MED17: variants seen among roughly 807,000 people sequenced by gnomAD.
MED17 encodes the protein mediator complex subunit 17.
MED17 carries 49 observed loss-of-function variants against 80.8 expected under a neutral mutation model. The ratio of observed to expected loss-of-function variants is 0.61; its 90% confidence interval spans 0.48 to 0.77. The LOEUF (loss-of-function observed/expected upper bound fraction) is 0.77. Among genes scored for constraint, MED17 ranks in the 30% least tolerant of loss-of-function variants. The probability of loss-of-function intolerance (pLI) is 0.00; values close to 1 mark genes in which losing one functional copy is unlikely to be tolerated. For synonymous variants in MED17, 281 were observed against 280.4 expected (o/e 1.00, Z -0.02); for missense variants, 718 against 787.0 (o/e 0.91, Z 1.05).
In MED17 at chr11:93,814,406, G is replaced by T. The variant is rs113537782; in HGVS notation, c.*2342G>T. 3.4e-4 allele frequency: 52 copies of T among 152,258 alleles called. No homozygotes were observed. The highest frequency in any genetic ancestry group is 1.2e-3 in the African/African-American group (49 of 41,550). 9.4% of individuals were successfully genotyped at this position (152,258 alleles called of 1,614,324 possible). On this transcript the variant is annotated 3_prime_UTR_variant, in exon 12 of 12. Transcript: ENST00000251871. ...TTTGAAGGATGTGCTATGGAAACTT[G>T]GGAGACAGTTTGAAGAAAACCAATT... is the stretch of plus-strand genomic sequence containing the variant.
chr11:93,809,343 G>T lies in MED17; in HGVS notation c.1585-374G>T, dbSNP rs75802445. On this transcript the variant is annotated intron_variant, in intron 10 of 11. Coordinates refer to ENST00000251871, the MANE Select transcript of MED17 (RefSeq NM_004268.5). ...GCCCAAAGCCAGAGGATGTAAGAAG[G>T]TATTAATGTAACCACGTGTGTCAGC... 596 of 351,482 alleles carry T rather than the reference G, an allele frequency of 1.7e-3. 4 individuals are homozygous for T. Among genetic ancestry groups the T allele is most frequent in the African/African-American group, 0.012 (563 of 46,952 alleles). The allele number at this position is 351,482 out of a possible 1,614,324, so 21.8% of individuals were successfully genotyped here.
chr11:93,802,081 T>A, intron 9 of MED17, 109 bp downstream of exon 9: 1 of 1,018,278 alleles, frequency 9.8e-7, no homozygotes, highest in Non-Finnish European at 1.5e-6. Flanking sequence ...TGGCATAATA[T>A]TTCTGTAAAT....
chr11:93,786,459 T>C (rs1943771121), intron 1 of MED17, among the ~76,000 whole-genome samples: 1 of 150,810 alleles, frequency 6.6e-6, no homozygotes, highest in African/African-American at 2.4e-5. Flanking sequence ...TTTTAACTTT[T>C]TTTGGTTTGT....
intron 8 of MED17, among the ~76,000 whole-genome samples, chr11:93,799,647 G>A (rs545685280): frequency 1.3e-5 from 2 of 152,342 alleles, no homozygotes; most frequent in African/African-American, 4.8e-5. Context: ...GTGGTGGTGT[G>A]CACCTGTAGT....
At chr11:93,803,974 T>G (rs1943990250) in intron 9 of MED17, among the ~76,000 whole-genome samples, 1 of 96,650 alleles carries the variant, frequency 1.0e-5, no homozygotes, top group African/African-American at 5.2e-5. Context: ...TGTGTATATG[T>G]GTGTGTGTGT....
chr11:93,795,238 C>T, intron 6 of MED17, 178 bp downstream of exon 6: 2 of 739,072 alleles, frequency 2.7e-6, no homozygotes, highest in South Asian at 1.6e-5. Flanking sequence ...TCTGTTCTGT[C>T]CTAAATAGTG....
At chr11:93,788,680 C>CAA (rs11405005) in intron 2 of MED17, 1,764 of 122,994 alleles carry the variant, frequency 0.014, 20 homozygotes, top group African/African-American at 0.017. Flanking sequence ...GATTCCATCC[C>CAA]AAAAAAAAAA....
At chr11:93,798,073 A>C (rs1255492263) in intron 8 of MED17, among the ~76,000 whole-genome samples, 2 of 152,114 alleles carry the variant, frequency 1.3e-5, no homozygotes, top group Non-Finnish European at 2.9e-5. Context: ...TGTTTCTTGC[A>C]CATTTTAGAG....
chr11:93,807,659 A>T (rs2135721584), intron 10 of MED17, 24 bp downstream of exon 10: 1 of 1,341,688 alleles, frequency 7.5e-7, no homozygotes, highest in Non-Finnish European at 1.1e-6. Context: ...ATTTTGTCTT[A>T]AGCCCCCTTC....
intron 2 of MED17, 55 bp downstream of exon 2, chr11:93,788,222 C>CT: frequency 1.3e-6 from 2 of 1,484,204 alleles, no homozygotes; most frequent in Non-Finnish European, 9.2e-7. Context: ...TCCCAGGACC[C>CT]TTTTTTGGCT....
In MED17 at chr11:93,793,843, A is replaced by C. The variant is rs779787836; in HGVS notation, c.753A>C (p.Leu251Phe). ...TTGATGTCCAAATTCCTAGTGATTT[A>C]GAGGGGTCTGCATATATCAAGGTAT... ...CPLDVQIPSDLEGSAYIKVSI... is the reference protein window; with the variant it reads ...CPLDVQIPSDFEGSAYIKVSI... The change falls in exon 4 of 12, where the codon TTA becomes TTC. Residue 251 changes from leucine to phenylalanine, a missense_variant. Coordinates refer to ENST00000251871, the MANE Select transcript of MED17 (RefSeq NM_004268.5). The C allele has an allele frequency of 1.2e-6, 2 of 1,613,302 alleles. No individual in the cohort carries two copies. The highest frequency in any genetic ancestry group is 1.7e-6 in the Non-Finnish European group (2 of 1,179,306).
rs750985745 is a variant in MED17 at position 93,809,740 on chromosome 11, A to G, written c.1608A>G (p.Ala536=). Residue 536 remains alanine, a synonymous_variant, in exon 11 of 12, where the codon GCA becomes GCG. Transcript: ENST00000251871. The part of the protein sequence containing the change: ...LSQMSQHQVH[A]VQQLAKVMGW... Reference sequence around the variant, plus strand: ...AGATGTCACAGCACCAGGTACATGCAGTTCAGCAACTCGCCAAGGTTATGG... The same window carrying G: ...AGATGTCACAGCACCAGGTACATGCGGTTCAGCAACTCGCCAAGGTTATGG... 1 of 1,614,214 alleles carries G rather than the reference A, an allele frequency of 6.2e-7. No individual in the cohort carries two copies. The highest frequency in any genetic ancestry group is 1.1e-5 in the South Asian group (1 of 91,084).
At chr11:93,786,555 C>T (rs191523811) in intron 1 of MED17, among the ~76,000 whole-genome samples, 1 of 152,072 alleles carries the variant, frequency 6.6e-6, no homozygotes, top group African/African-American at 2.4e-5. Flanking sequence ...CAACCCCTGC[C>T]TCCTGGATTC....
Position 93,813,435 on chromosome 11 carries a change from C to T in MED17, c.*1371C>T, listed in dbSNP as rs531509897. On this transcript the variant is annotated 3_prime_UTR_variant, in exon 12 of 12. Transcript: ENST00000251871. ...TATGAATTTGCAGTTATTTAAAAAT[C>T]TTGAGTGCTTCAAAAATTATTGTTG... 5 of 152,272 alleles carry T rather than the reference C, an allele frequency of 3.3e-5. No homozygotes were observed. The East Asian group carries it at 9.7e-4, about 29-fold the overall frequency. The allele number at this position is 152,272 out of a possible 1,614,324, so 9.4% of individuals were successfully genotyped here. A position where few individuals can be genotyped will look rare whatever the true frequency, so the allele number is the denominator to read the frequency against.
Position 93,811,371 on chromosome 11 carries a change from G to GA in MED17, c.1745-475dup, listed in dbSNP as rs567025318. 1.0e-4 allele frequency: 16 copies of GA among 158,386 alleles called. No individual in the cohort carries two copies. The South Asian group carries it at 2.9e-3, about 29-fold the overall frequency. The allele number at this position is 158,386 out of a possible 1,614,324, so 9.8% of individuals were successfully genotyped here. On this transcript the variant is annotated intron_variant, in intron 11 of 11. Coordinates refer to ENST00000251871, the MANE Select transcript of MED17 (RefSeq NM_004268.5). ...GATTGCCTTATCAAATGAATGTATT[G>GA]AAAAAAATAGGTGAGTGTACTAGGC... is the stretch of plus-strand genomic sequence containing the variant.
chr11:93,795,085 T>C (rs2135713913), intron 6 of MED17, 25 bp downstream of exon 6: 3 of 1,613,754 alleles, frequency 1.9e-6, no homozygotes, highest in African/African-American at 1.3e-5. Context: ...TTTTCGACTT[T>C]ATGAACAGGA....
rs918985856 is a variant in MED17 at position 93,812,672 on chromosome 11, G to A, written c.*608G>A. 1.9e-5 allele frequency: 3 copies of A among 154,804 alleles called. No homozygotes were observed. The highest frequency in any genetic ancestry group is 7.2e-5 in the African/African-American group (3 of 41,436). The allele number at this position is 154,804 out of a possible 1,614,324, so 9.6% of individuals were successfully genotyped here. A position where few individuals can be genotyped will look rare whatever the true frequency, so the allele number is the denominator to read the frequency against. On this transcript the variant is annotated 3_prime_UTR_variant, in exon 12 of 12. Transcript: ENST00000251871. ...CAGGCTGGTTTCGAACTCGGCTCAA[G>A]TGATCTACCTGCCTCTGCCTCCCAA...
chr11:93,785,232 G>A (rs1187763929), intron 1 of MED17, among the ~76,000 whole-genome samples: 1 of 152,252 alleles, frequency 6.6e-6, no homozygotes, highest in African/African-American at 2.4e-5. Context: ...TCCAGATCAT[G>A]TAGAACCCAG....
chr11:93,811,736 A>G, intron 11 of MED17, 117 bp from the exon 12 acceptor site: 1 of 927,562 alleles, frequency 1.1e-6, no homozygotes, highest in Non-Finnish European at 1.7e-6. Context: ...TTACAAGAAT[A>G]TTTAAGTTGG....
Sources: allele counts gnomAD v4.1 joint callset (sites outside exome capture counted in the v4.1 genomes callset), GRCh38; gene constraint gnomAD v4.1.1; transcripts MANE v1.5; gene names NCBI Gene and HGNC (gene_info 2026-07-23, HGNC 2026-07-21).